PPM1E: variants seen among roughly 807,000 people sequenced by gnomAD.
PPM1E encodes protein phosphatase, Mg2+/Mn2+ dependent 1E, also known as protein phosphatase 1E.
Under a neutral mutation model 65.9 loss-of-function variants are expected in PPM1E, and 20 were observed. The observed-to-expected ratio is 0.30, with a 90% CI of 0.21 to 0.44. The LOEUF (loss-of-function observed/expected upper bound fraction) is 0.44, where lower values mean the gene tolerates loss of function less well. Ranked by LOEUF, PPM1E falls within the 20% of genes least tolerant of loss-of-function variation. The pLI is 1.00. For synonymous variants in PPM1E, 352 were observed against 374.9 expected, an observed-to-expected ratio of 0.94 and a Z score of 0.70; for missense variants, 713 against 953.1, an observed-to-expected ratio of 0.75 and a Z score of 3.32.
chr17:58,844,756 C>T (rs2050755077), intron 1 of PPM1E, among the ~76,000 whole-genome samples: 1 of 152,168 alleles, frequency 6.6e-6, no homozygotes, highest in Admixed American at 6.5e-5. Context: ...AAGATATCAG[C>T]AATCAATCTT....
chr17:58,875,780 TAA>T (rs1291138089), intron 1 of PPM1E, among the ~76,000 whole-genome samples: 1 of 152,130 alleles, frequency 6.6e-6, no homozygotes, highest in African/African-American at 2.4e-5. Context: ...TAATCATTAC[TAA>T]CACCGTGGAT....
intron 2 of PPM1E, among the ~76,000 whole-genome samples, chr17:58,961,685 A>G (rs1051844716): frequency 1.3e-5 from 2 of 152,242 alleles, no homozygotes; most frequent in African/African-American, 4.8e-5. Context: ...AGACAGTGCA[A>G]TGATGGAAAT....
chr17:58,885,651 C>A (rs924105505), intron 1 of PPM1E, among the ~76,000 whole-genome samples: 1 of 152,234 alleles, frequency 6.6e-6, no homozygotes, highest in East Asian at 1.9e-4. Flanking sequence ...GGAAGTGTTT[C>A]GGGTCAGTGG....
chr17:58,933,737 A>G (rs1364646917), intron 1 of PPM1E, among the ~76,000 whole-genome samples: 1 of 151,200 alleles, frequency 6.6e-6, no homozygotes, highest in Non-Finnish European at 1.5e-5. Flanking sequence ...TGGAGGTTTC[A>G]GTGAGCCGAG....
At chr17:58,818,712 G>A (rs1326317886) in intron 1 of PPM1E, among the ~76,000 whole-genome samples, 1 of 152,070 alleles carries the variant, frequency 6.6e-6, no homozygotes, top group Non-Finnish European at 1.5e-5. Context: ...CATCCTTCTC[G>A]TTCTTTATTA....
intron 1 of PPM1E, among the ~76,000 whole-genome samples, chr17:58,908,498 C>T (rs541021406): frequency 2.0e-4 from 30 of 151,316 alleles, no homozygotes; most frequent in African/African-American, 5.8e-4. Context: ...GGAGTGCAAT[C>T]GCATGATCTC....
intron 1 of PPM1E, among the ~76,000 whole-genome samples, chr17:58,904,400 C>T (rs1042930284): frequency 6.6e-6 from 1 of 152,096 alleles, no homozygotes; most frequent in Admixed American, 6.6e-5. Context: ...TATAATACTG[C>T]CTGATATTTT....
chr17:58,884,344 G>A (rs1011800591), intron 1 of PPM1E, among the ~76,000 whole-genome samples: 2 of 152,096 alleles, frequency 1.3e-5, no homozygotes, highest in Non-Finnish European at 2.9e-5. Context: ...CTCACTGCCA[G>A]TTTAGGACTT....
intron 1 of PPM1E, among the ~76,000 whole-genome samples, chr17:58,804,357 T>C (rs2050285621): frequency 6.6e-6 from 1 of 152,238 alleles, no homozygotes; most frequent in Non-Finnish European, 1.5e-5. Context: ...ACCTTGTTTT[T>C]ATTATACTCA....
At chr17:58,807,163 A>G (rs1273160741) in intron 1 of PPM1E, among the ~76,000 whole-genome samples, 1 of 152,196 alleles carries the variant, frequency 6.6e-6, no homozygotes, top group Non-Finnish European at 1.5e-5. Context: ...GAGATTTAAT[A>G]TGTTATTCTC....
chr17:58,816,787 TATATA>T (rs2050428098), intron 1 of PPM1E, among the ~76,000 whole-genome samples: 45 of 9,954 alleles, frequency 4.5e-3, no homozygotes, highest in Non-Finnish European at 7.6e-3. Flanking sequence ...TATATATATA[TATATA>T]TATTTTTTTT....
chr17:58,891,984 C>T (rs551007291), intron 1 of PPM1E, among the ~76,000 whole-genome samples: 4 of 151,824 alleles, frequency 2.6e-5, no homozygotes, highest in South Asian at 2.1e-4. Flanking sequence ...CACAGGCATG[C>T]GCCACCATGC....
intron 1 of PPM1E, among the ~76,000 whole-genome samples, chr17:58,817,853 G>A (rs375076724): frequency 1.3e-5 from 2 of 151,826 alleles, no homozygotes; most frequent in African/African-American, 2.4e-5. Flanking sequence ...CTGAGTTCAC[G>A]CCATTCTCCT....
At chr17:58,934,305 G>C (rs901228361) in intron 1 of PPM1E, among the ~76,000 whole-genome samples, 2 of 152,062 alleles carry the variant, frequency 1.3e-5, no homozygotes. Context: ...TGTGTAGTGT[G>C]CACAAAAAGT....
At chr17:58,848,738 T>C (rs1049034975) in intron 1 of PPM1E, among the ~76,000 whole-genome samples, 3 of 152,226 alleles carry the variant, frequency 2.0e-5, no homozygotes, top group African/African-American at 4.8e-5. Flanking sequence ...AATTCTCTTC[T>C]TTTGTTGTGT....
chr17:58,761,531 A>G (rs955127106), intron 1 of PPM1E, among the ~76,000 whole-genome samples: 5 of 152,212 alleles, frequency 3.3e-5, no homozygotes, highest in African/African-American at 1.2e-4. Flanking sequence ...TATTAAACTA[A>G]TGTATTTCTT....
At chr17:58,947,110 GTTTTTTTTTTTTT>G (rs56666470) in intron 1 of PPM1E, among the ~76,000 whole-genome samples, 2 of 44,096 alleles carry the variant, frequency 4.5e-5, no homozygotes, top group East Asian at 8.0e-4. Context: ...CCTTTTTCCT[GTTTTTTTTTTTTT>G]TTTTTTTTTT....
chr17:58,972,327 T>A, intron 5 of PPM1E, 52 bp downstream of exon 5: 1 of 1,549,672 alleles, frequency 6.5e-7, no homozygotes. Flanking sequence ...TAGTTTAGAT[T>A]TTCTAGTTAT....
chr17:58,969,728 G>GT lies in PPM1E; in HGVS notation c.972+2dup. The stretch of plus-strand genomic sequence containing the variant: ...GTTTGTGCAGAAAGCAGCCAGGGAG[G>GT]TATGCCCCTTTCTCATAAGTTCCAG... On this transcript the variant is annotated splice_donor_variant, in intron 4 of 6. Coordinates refer to ENST00000308249, the MANE Select transcript of PPM1E (RefSeq NM_014906.5). LOFTEE classifies it high-confidence loss of function. 1 of 1,613,876 alleles carries GT rather than the reference G, an allele frequency of 6.2e-7. No individual in the cohort carries two copies. Among genetic ancestry groups the GT allele is most frequent in the Non-Finnish European group, 8.5e-7 (1 of 1,179,838 alleles).
Sources: allele counts gnomAD v4.1 joint callset (sites outside exome capture counted in the v4.1 genomes callset), GRCh38; gene constraint gnomAD v4.1.1; transcripts MANE v1.5; gene names NCBI Gene and HGNC (gene_info 2026-07-23, HGNC 2026-07-21).